MAP3K13: variants seen among roughly 807,000 people sequenced by gnomAD.
The protein encoded by MAP3K13 is mitogen-activated protein kinase kinase kinase 13, also known as leucine zipper-bearing kinase.
A neutral mutation model predicts 104.0 loss-of-function variants in MAP3K13; 52 were observed. The ratio of observed to expected loss-of-function variants is 0.50; its 90% CI spans 0.40 to 0.63. The LOEUF is 0.63. Among genes scored for constraint, MAP3K13 ranks in the 20% least tolerant of loss-of-function variants. The pLI is 0.00. For missense variants in MAP3K13, 914 were observed against 1,218.5 expected (o/e 0.75, Z 3.72); for synonymous variants, 394 against 442.2 (o/e 0.89, Z 1.37).
intron 7 of MAP3K13, among the ~76,000 whole-genome samples, chr3:185,457,473 T>G (rs1407439476): frequency 1.3e-5 from 2 of 152,192 alleles, no homozygotes; most frequent in Non-Finnish European, 2.9e-5. Flanking sequence ...AGGTGATGCC[T>G]TCTCACTGTG....
chr3:185,282,969 T>G (rs1396495256), upstream of MAP3K13: 1 of 152,012 alleles, frequency 6.6e-6, no homozygotes, highest in African/African-American at 2.4e-5. Flanking sequence ...TTGTGGAGGG[T>G]GACGCCATGG....
At chr3:185,323,754 G>A (rs985807314) in intron 2 of MAP3K13, among the ~76,000 whole-genome samples, 6 of 151,932 alleles carry the variant, frequency 3.9e-5, no homozygotes, top group East Asian at 1.9e-4. Context: ...TAATATTCAC[G>A]TACATGTGTA....
intron 1 of MAP3K13, among the ~76,000 whole-genome samples, chr3:185,379,798 G>T (rs1440378934): frequency 6.6e-6 from 1 of 152,152 alleles, no homozygotes; most frequent in East Asian, 1.9e-4. Flanking sequence ...CATCAACTCT[G>T]CAAGAGACCT....
intron 1 of MAP3K13, among the ~76,000 whole-genome samples, chr3:185,376,606 A>C (rs1724444481): frequency 6.6e-6 from 1 of 151,922 alleles, no homozygotes; most frequent in African/African-American, 2.4e-5. Context: ...TAAGGAATGG[A>C]AAGGGGAGTA....
chr3:185,330,954 CATT>C (rs1430915343), intron 2 of MAP3K13, among the ~76,000 whole-genome samples: 1 of 152,146 alleles, frequency 6.6e-6, no homozygotes, highest in Non-Finnish European at 1.5e-5. Context: ...TCTTCCCCCT[CATT>C]GTTTCTTCCC....
In MAP3K13 at chr3:185,483,085, GA is replaced by G. The variant is rs1560140028; in HGVS notation, c.*633del. On this transcript the variant is annotated 3_prime_UTR_variant, in exon 14 of 14. Transcript: ENST00000265026. Reference sequence around the variant, plus strand: ...CCAGGTGGCTTACGGAAATGACCTAGAAAAGTCTGGTGACCAGATACTTGCA... The same window carrying G: ...CCAGGTGGCTTACGGAAATGACCTAGAAAGTCTGGTGACCAGATACTTGCA... The G allele has an allele frequency of 4.3e-6, 1 of 232,370 alleles. No individual in the cohort carries two copies. Among genetic ancestry groups the G allele is most frequent in the Non-Finnish European group, 8.5e-6 (1 of 117,672 alleles). 14.4% of individuals were successfully genotyped at this position (232,370 alleles called of 1,614,324 possible).
chr3:185,409,096 G>A (rs1417808252), intron 1 of MAP3K13, among the ~76,000 whole-genome samples: 1 of 152,210 alleles, frequency 6.6e-6, no homozygotes, highest in Non-Finnish European at 1.5e-5. Context: ...GGCCAGGCCT[G>A]GTGGCTCATG....
intron 1 of MAP3K13, among the ~76,000 whole-genome samples, chr3:185,365,054 T>C (rs1302183311): frequency 6.6e-6 from 1 of 152,232 alleles, no homozygotes; most frequent in Admixed American, 6.5e-5. Context: ...TCAGACTCTG[T>C]CTTTGATGCA....
intron 7 of MAP3K13, among the ~76,000 whole-genome samples, chr3:185,462,760 G>A (rs995229117): frequency 3.7e-4 from 57 of 152,262 alleles, no homozygotes; most frequent in South Asian, 1.0e-3. Flanking sequence ...GTGACAGAGC[G>A]AGACTCCGTC....
chr3:185,434,113 G>A (rs903766953), intron 2 of MAP3K13, among the ~76,000 whole-genome samples: 6 of 151,522 alleles, frequency 4.0e-5, no homozygotes, highest in African/African-American at 9.7e-5. Flanking sequence ...AAATTACAAA[G>A]GAAATAATAG....
chr3:185,362,962 C>T (rs575431074), upstream of MAP3K13: 568 of 253,218 alleles, frequency 2.2e-3, 2 homozygotes, highest in African/African-American at 0.013. Context: ...CACACGCACA[C>T]ACACACACAC....
chr3:185,433,649 AT>A (rs1278845394), intron 2 of MAP3K13, among the ~76,000 whole-genome samples: 2 of 152,144 alleles, frequency 1.3e-5, no homozygotes, highest in African/African-American at 4.8e-5. Context: ...TACTTTCTTT[AT>A]TTTACAATCT....
At chr3:185,330,089 G>T (rs1722205128) in intron 2 of MAP3K13, among the ~76,000 whole-genome samples, 1 of 122,812 alleles carries the variant, frequency 8.1e-6, no homozygotes. Context: ...TTTTAGTAGA[G>T]ATGGGGTTTC....
At chr3:185,305,542 A>G (rs1247159062) in intron 2 of MAP3K13, among the ~76,000 whole-genome samples, 6 of 152,178 alleles carry the variant, frequency 3.9e-5, no homozygotes, top group African/African-American at 1.4e-4. Context: ...CCATCATTAC[A>G]GTATTACATG....
chr3:185,428,433 A>T, intron 1 of MAP3K13, 64 bp from the exon 2 acceptor site: 1 of 1,039,176 alleles, frequency 9.6e-7, no homozygotes, highest in Non-Finnish European at 1.3e-6. Context: ...TAATGCAAAC[A>T]GAAGTGTCGT....
At chr3:185,449,801 C>A in intron 5 of MAP3K13, 99 bp from the exon 6 acceptor site, 3 of 952,184 alleles carry the variant, frequency 3.2e-6, no homozygotes, top group Non-Finnish European at 4.4e-6. Flanking sequence ...AATTTTAAAA[C>A]TGGGTATATG....
At chr3:185,357,455 A>G (rs942460918) in intron 2 of MAP3K13, among the ~76,000 whole-genome samples, 9 of 151,032 alleles carry the variant, frequency 6.0e-5, no homozygotes, top group Non-Finnish European at 1.3e-4. Flanking sequence ...TCTAAAAAAA[A>G]AAAAAAAAAA....
rs1193220240 is a variant in MAP3K13, at chr3:185,315,994, A to G, written c.-86+30351A>G. 6.6e-6 allele frequency among the ~76,000 whole-genome samples: 1 copy of G among 152,190 alleles called. No homozygotes were observed. Among genetic ancestry groups the G allele is most frequent in the Non-Finnish European group, 1.5e-5 (1 of 68,034 alleles). On this transcript the variant is annotated intron_variant, in intron 2 of 14. Coordinates refer to the MAP3K13 transcript ENST00000424227. This position sits in a 1 kb window ranked among gnomAD's most constrained non-coding sequence, Gnocchi z 4.3. ...AGGCAATATATTTTTGCTTACTTATAAAAATGAAATTGTATCTTAGAGGGC... is the reference window on the plus strand; with the variant it reads ...AGGCAATATATTTTTGCTTACTTATGAAAATGAAATTGTATCTTAGAGGGC...
rs116219462 is a variant in MAP3K13 at position 185,405,394 on chromosome 3, G to A, written c.-85-23103G>A. On this transcript the variant is annotated intron_variant, in intron 1 of 13. Transcript: ENST00000265026. ...TCTTTTGATCAAAGAAAAGAGACTCGTTAGCCCAGCATTCAAAACCTTTTA... is the reference window on the plus strand; with the variant it reads ...TCTTTTGATCAAAGAAAAGAGACTCATTAGCCCAGCATTCAAAACCTTTTA... Among the ~76,000 whole-genome samples, 560 of 152,234 alleles carry A rather than the reference G, an allele frequency of 3.7e-3. 7 individuals are homozygous for A. Among genetic ancestry groups the A allele is most frequent in the African/African-American group, 0.012 (503 of 41,548 alleles).
Sources: gnomAD v4.1 joint callset for allele counts (sites outside exome capture counted in the v4.1 genomes callset) on GRCh38, gnomAD v4.1.1 for gene constraint, Gnocchi (gnomAD v3.1) non-coding constraint, MANE v1.5 for transcripts, NCBI Gene and HGNC (gene_info 2026-07-23, HGNC 2026-07-21) for gene names.